The following ERMP1 variants were observed in gnomAD, a reference collection of about 807,000 sequenced individuals.
ERMP1 encodes Felix-ina.
In ERMP1, 86 loss-of-function variants were observed where a neutral mutation model predicts 92.0. The observed-to-expected ratio is 0.93, with a 90% CI of 0.79 to 1.12. The LOEUF (loss-of-function observed/expected upper bound fraction) is 1.12, where lower values mean the gene tolerates loss of function less well. ERMP1 is among the 50% of genes most tolerant of loss of function. The pLI is 0.00. For synonymous variants in ERMP1, 530 were observed against 412.8 expected, an observed-to-expected ratio of 1.28 and a Z score of -3.44; for missense variants, 1,342 against 1,116.3, an observed-to-expected ratio of 1.20 and a Z score of -2.88.
chr9:5,864,041 T>C (rs543569344), intron 5 of ERMP1, among the ~76,000 whole-genome samples: 288 of 152,338 alleles, frequency 1.9e-3, no homozygotes, highest in African/African-American at 6.3e-3. Flanking sequence ...CTGTTGTCTA[T>C]GCCCATTTTA....
upstream of ERMP1, among the ~76,000 whole-genome samples, chr9:5,837,208 C>T (rs12380118): frequency 1.3e-5 from 2 of 152,116 alleles, no homozygotes; most frequent in East Asian, 3.9e-4. Context: ...TGGACTTGAA[C>T]TCCTGACCTC....
Position 5,866,630 on chromosome 9 carries a change from C to G in ERMP1, n.3055+1172G>C, listed in dbSNP as rs145024493. Among the ~76,000 whole-genome samples, 17 of 152,246 alleles carry G rather than the reference C, an allele frequency of 1.1e-4. No homozygotes were observed. In the East Asian group the frequency reaches 2.5e-3, roughly 22 times the overall value. On this transcript the variant is annotated intron_variant and non_coding_transcript_variant, in intron 5 of 6. Coordinates refer to the ERMP1 transcript ENST00000690753. ...TTCATAGAACTGGAGGCATGGGAAA[C>G]TAAGGAAACCTGTAATCAAATTTGA...
At chr9:5,829,513 C>G (rs1829858670) in intron 2 of ERMP1, among the ~76,000 whole-genome samples, 1 of 152,210 alleles carries the variant, frequency 6.6e-6, no homozygotes, top group Non-Finnish European at 1.5e-5. Flanking sequence ...TTAAAAATCA[C>G]TTTCCATGCC....
At position 5,832,863 on chromosome 9, in the gene ERMP1, C is replaced by T. The variant is rs779038226; in HGVS notation, c.165G>A (p.Gly55=). The T allele has an allele frequency of 1.1e-3, 1,718 of 1,520,338 alleles. 2 individuals carry two copies. Among genetic ancestry groups the T allele is most frequent in the Admixed American group, 2.0e-3 (100 of 50,820 alleles). 94.2% of individuals were successfully genotyped at this position (1,520,338 alleles called of 1,614,324 possible). ...CGCCCCTGCTCGCGCCGCCGCTACC[C>T]CCGGGGCTCCTCTTCCGCGTCCTCC... ...GGGRTRKRSP[G]GSGGASRGAG... Residue 55 remains glycine (G), a synonymous_variant, in exon 1 of 15, where the codon GGG becomes GGA. Coordinates refer to ENST00000339450, the MANE Select transcript of ERMP1 (RefSeq NM_024896.3).
Position 5,805,639 on chromosome 9 carries a change from G to C in ERMP1, c.1695C>G (p.Leu565=), listed in dbSNP as rs147551715. Residue 565 remains leucine (L), a synonymous_variant, in exon 9 of 15, where the codon CTC becomes CTG. Transcript: ENST00000339450. ...VWVAFPLLTK[L]CVHKDFKQHG... ...GCTGCTTGAAGTCCTTATGCACACA[G>C]AGCTTTGTGAGCAATGGGAATGCTA... 6.2e-7 allele frequency: 1 copy of C among 1,606,392 alleles called. No homozygotes were observed. The highest frequency in any genetic ancestry group is 8.5e-7 in the Non-Finnish European group (1 of 1,177,518).
chr9:5,859,256 G>A (rs533425939), intron 6 of ERMP1, among the ~76,000 whole-genome samples: 1 of 78,640 alleles, frequency 1.3e-5, no homozygotes, highest in African/African-American at 3.8e-5. Context: ...TACTCTCCTT[G>A]GCAAAGACAC....
intron 8 of ERMP1, among the ~76,000 whole-genome samples, chr9:5,808,769 ACT>A (rs1828967414): frequency 6.6e-6 from 1 of 152,012 alleles, no homozygotes; most frequent in African/African-American, 2.4e-5. Flanking sequence ...ATAGGGTCTC[ACT>A]CTGTCCCCTA....
chr9:5,837,409 A>G (rs745409941), upstream of ERMP1, among the ~76,000 whole-genome samples: 1 of 152,202 alleles, frequency 6.6e-6, no homozygotes, highest in Non-Finnish European at 1.5e-5. Flanking sequence ...ACTAGTACAA[A>G]AATAAGATGA....
At chr9:5,839,861 A>G (rs770274552) in intron 6 of ERMP1, among the ~76,000 whole-genome samples, 31 of 152,228 alleles carry the variant, frequency 2.0e-4, no homozygotes, top group Non-Finnish European at 2.9e-4. Flanking sequence ...TCTGAGGACC[A>G]TGTAATATGA....
At chr9:5,846,284 G>C (rs1361734727) in intron 6 of ERMP1, among the ~76,000 whole-genome samples, 1 of 152,164 alleles carries the variant, frequency 6.6e-6, no homozygotes, top group Non-Finnish European at 1.5e-5. Flanking sequence ...CCTGCCAAAA[G>C]TAGAGCAAGA....
At chr9:5,791,045 G>A (rs973241371) in intron 13 of ERMP1, among the ~76,000 whole-genome samples, 1 of 152,156 alleles carries the variant, frequency 6.6e-6, no homozygotes, top group Non-Finnish European at 1.5e-5. Flanking sequence ...TTTCACTCAT[G>A]AAAGTCCCAG....
intron 13 of ERMP1, chr9:5,791,115 C>G: frequency 2.4e-6 from 1 of 410,176 alleles, no homozygotes; most frequent in Non-Finnish European, 5.0e-6. Flanking sequence ...GCTGCAGGAA[C>G]AGTTGAAGTG....
intron 8 of ERMP1, 74 bp from the exon 9 acceptor site, chr9:5,805,859 C>G (rs1454893358): frequency 1.8e-5 from 20 of 1,123,072 alleles, no homozygotes; most frequent in Non-Finnish European, 2.4e-5. Context: ...TAGTAACACA[C>G]TTTCCATCAC....
intron 5 of ERMP1, 84 bp from the exon 6 acceptor site, chr9:5,812,301 A>G: frequency 1.3e-6 from 1 of 758,062 alleles, no homozygotes; most frequent in Non-Finnish European, 2.1e-6. Flanking sequence ...ATAAATTCCT[A>G]AAAGACAAAA....
intron 13 of ERMP1, among the ~76,000 whole-genome samples, chr9:5,795,540 G>A (rs1443548591): frequency 3.9e-5 from 6 of 152,232 alleles, no homozygotes; most frequent in Non-Finnish European, 8.8e-5. Flanking sequence ...AGCACTTTGA[G>A]AGGCTGAGGC....
At position 5,787,011 on chromosome 9, in the gene ERMP1, T is replaced by C. The variant is rs1827967316; in HGVS notation, c.*133A>G. On this transcript the variant is annotated 3_prime_UTR_variant, in exon 15 of 15. Coordinates refer to ENST00000339450, the MANE Select transcript of ERMP1 (RefSeq NM_024896.3). ...TATAGTGCTTGGCCCTGAAAAGCGT[T>C]AACCCAGAAAGCTCTTTGAACATAT... 2.2e-6 allele frequency: 2 copies of C among 918,322 alleles called. No homozygotes were observed. Among genetic ancestry groups the C allele is most frequent in the Non-Finnish European group, 3.2e-6 (2 of 625,442 alleles). The allele number at this position is 918,322 out of a possible 1,614,324, so 56.9% of individuals were successfully genotyped here.
intron 13 of ERMP1, among the ~76,000 whole-genome samples, chr9:5,795,275 G>T (rs936346184): frequency 6.6e-6 from 1 of 152,090 alleles, no homozygotes; most frequent in Non-Finnish European, 1.5e-5. Context: ...ACCAAAAAAC[G>T]TATAGCTAAC....
chr9:5,791,959 G>C (rs1258482922), intron 13 of ERMP1, among the ~76,000 whole-genome samples: 1 of 152,204 alleles, frequency 6.6e-6, no homozygotes, highest in African/African-American at 2.4e-5. Flanking sequence ...GAAGTGGGAG[G>C]ATGGCAGTTG....
At chr9:5,814,931 C>G (rs1333437472) in intron 4 of ERMP1, among the ~76,000 whole-genome samples, 1 of 151,878 alleles carries the variant, frequency 6.6e-6, no homozygotes, top group African/African-American at 2.4e-5. Flanking sequence ...AATGGAAATC[C>G]TAGAATGAAA....
Sources: gnomAD v4.1 joint callset for allele counts (sites outside exome capture counted in the v4.1 genomes callset) on GRCh38, gnomAD v4.1.1 for gene constraint, MANE v1.5 for transcripts, NCBI Gene and HGNC (gene_info 2026-07-23, HGNC 2026-07-21) for gene names.